Variants in TRPV1 observed in about 807,000 individuals in gnomAD.
TRPV1 encodes the protein transient receptor potential cation channel subfamily V member 1, also known as OTRPC1.
TRPV1 carries 82 observed loss-of-function variants against 82.3 expected under a neutral mutation model. The ratio of observed to expected loss-of-function variants is 1.00; its 90% CI spans 0.83 to 1.20. The LOEUF is 1.20. Ranked by LOEUF, TRPV1 falls within the 50% of genes most tolerant of loss-of-function variation. The pLI is 0.00. For missense variants in TRPV1, 1,067 were observed against 1,096.8 expected (o/e 0.97, Z 0.38); for synonymous variants, 515 against 467.7 (o/e 1.10, Z -1.30).
chr17:3,598,630 A>G (rs1409493424), intron 2 of TRPV1, among the ~76,000 whole-genome samples: 1 of 148,860 alleles, frequency 6.7e-6, no homozygotes, highest in African/African-American at 2.5e-5. Flanking sequence ...CAATGGCGCA[A>G]TCTCGGCTCA....
In TRPV1 at chr17:3,585,919, T is replaced by C; in HGVS notation, c.1232A>G (p.His411Arg). The C allele has an allele frequency of 6.2e-7, 1 of 1,613,356 alleles. No individual in the cohort carries two copies. The highest frequency in any genetic ancestry group is 8.5e-7 in the Non-Finnish European group (1 of 1,179,704). ...AYSSSETPNR[H>R]DMLLVEPLNR... ...CAGCGGCTCCACCAAGAGCATGTCGTGGCGATTCTAGGGGGTGGGGAGAGA... is the reference window on the plus strand; with the variant it reads ...CAGCGGCTCCACCAAGAGCATGTCGCGGCGATTCTAGGGGGTGGGGAGAGA... The change falls in exon 9 of 17, where the codon CAC becomes CGC. Residue 411 changes from histidine (H) to arginine (R), a missense_variant. By Grantham distance (29) the His-to-Arg change is conservative. Transcript: ENST00000572705.
chr17:3,576,668 A>AAAAAAAAAAAAAAAAATATAAAT, intron 13 of TRPV1, among the ~76,000 whole-genome samples: 1 of 38,390 alleles, frequency 2.6e-5, no homozygotes, highest in Non-Finnish European at 5.3e-5. Flanking sequence ...AAAAAAAAAA[A>AAAAAAAAAAAAAAAAATATAAAT]ATATATATAT....
intron 11 of TRPV1, chr17:3,578,611 T>C (rs144100351): frequency 6.6e-6 from 1 of 152,328 alleles, no homozygotes; most frequent in Non-Finnish European, 1.5e-5. Context: ...ATCAGTGTGG[T>C]AAACCTACAG....
intron 10 of TRPV1, among the ~76,000 whole-genome samples, chr17:3,582,197 A>AAAAAAAAAAAAAC: frequency 7.0e-6 from 1 of 142,316 alleles, no homozygotes; most frequent in Non-Finnish European, 1.5e-5. Context: ...CTCAAAAAAA[A>AAAAAAAAAAAAAC]AAAAAAAAAA....
chr17:3,577,495 T>C (rs1474160099), intron 12 of TRPV1, 103 bp downstream of exon 12: 1 of 1,395,392 alleles, frequency 7.2e-7, no homozygotes, highest in Non-Finnish European at 9.8e-7. Context: ...ACCAGCCCCT[T>C]CCCAGGCACG....
chr17:3,572,305 C>A, intron 14 of TRPV1, 56 bp from the exon 15 acceptor site: 1 of 1,546,420 alleles, frequency 6.5e-7, no homozygotes, highest in South Asian at 1.2e-5. Flanking sequence ...CATCCCGGGG[C>A]CACCCTGGCT....
intron 12 of TRPV1, 101 bp from the exon 13 acceptor site, chr17:3,577,293 C>CGG: frequency 7.6e-7 from 1 of 1,310,146 alleles, no homozygotes; most frequent in Non-Finnish European, 1.1e-6. Context: ...TGAGAACGTG[C>CGG]AGGGCGGTTT....
chr17:3,570,001 G>T (rs2074830193), intron 16 of TRPV1, among the ~76,000 whole-genome samples: 1 of 149,412 alleles, frequency 6.7e-6, no homozygotes, highest in South Asian at 2.1e-4. Context: ...GGGAGGAGGG[G>T]CCAAGCGGTC....
intron 16 of TRPV1, among the ~76,000 whole-genome samples, chr17:3,568,129 T>C (rs1306975712): frequency 6.6e-6 from 1 of 152,084 alleles, no homozygotes; most frequent in East Asian, 1.9e-4. Context: ...GAGACCATCC[T>C]GGCTAACATG....
chr17:3,598,388 C>T (rs2075237101), intron 2 of TRPV1, among the ~76,000 whole-genome samples: 1 of 152,152 alleles, frequency 6.6e-6, no homozygotes, highest in Admixed American at 6.5e-5. Context: ...CGTACAGCAA[C>T]CCCGGGCAGT....
intron 16 of TRPV1, among the ~76,000 whole-genome samples, chr17:3,569,630 G>C (rs952366796): frequency 1.3e-5 from 2 of 152,196 alleles, no homozygotes; most frequent in African/African-American, 4.8e-5. Flanking sequence ...GCTAGAATCT[G>C]TGGATCAGAG....
intron 2 of TRPV1, among the ~76,000 whole-genome samples, chr17:3,594,997 G>A (rs191754621): frequency 6.6e-6 from 1 of 152,142 alleles, no homozygotes; most frequent in Non-Finnish European, 1.5e-5. Context: ...CCAAGGAATT[G>A]AAAGCCAACA....
intron 2 of TRPV1, among the ~76,000 whole-genome samples, chr17:3,601,415 CCGAAACCCACCTT>C (rs1024599498): frequency 7.2e-5 from 11 of 151,920 alleles, no homozygotes; most frequent in African/African-American, 2.7e-4. Flanking sequence ...TCCTCTCCCA[CCGAAACCCACCTT>C]CTGTCACCTG....
chr17:3,586,360 C>T (rs2075085159), intron 8 of TRPV1, among the ~76,000 whole-genome samples: 1 of 152,252 alleles, frequency 6.6e-6, no homozygotes. Flanking sequence ...CTGGGTCAGG[C>T]AGGGCGGCAG....
intron 8 of TRPV1, 51 bp downstream of exon 8, chr17:3,588,137 C>T (rs2075106652): frequency 6.5e-7 from 1 of 1,527,372 alleles, no homozygotes; most frequent in African/African-American, 1.4e-5. Flanking sequence ...GGGATTGGGG[C>T]TTGGGTGCAG....
chr17:3,592,018 T>C (rs202169781), intron 3 of TRPV1, 49 bp downstream of exon 3: 19 of 1,583,080 alleles, frequency 1.2e-5, no homozygotes, highest in African/African-American at 5.4e-5. Flanking sequence ...GGCATCTCCA[T>C]GGCCAGCTGG....
chr17:3,607,953 G>A lies in TRPV1; in HGVS notation c.-34+474C>T, dbSNP rs1372299665. Reference sequence around the variant, plus strand: ...CATGAGGCTGGGGTCAGTGGCTCCCGCCTGCAATCCTAGTACTTTGGGAGG... The same window carrying A: ...CATGAGGCTGGGGTCAGTGGCTCCCACCTGCAATCCTAGTACTTTGGGAGG... On this transcript the variant is annotated intron_variant, in intron 2 of 16. Transcript: ENST00000572705. Among the ~76,000 whole-genome samples, 8 of 152,026 alleles carry A rather than the reference G, an allele frequency of 5.3e-5. No individual in the cohort carries two copies. The South Asian group carries it at 8.3e-4, about 16-fold the overall frequency.
At chr17:3,570,556 T>G (rs188015074) in intron 16 of TRPV1, among the ~76,000 whole-genome samples, 1 of 152,112 alleles carries the variant, frequency 6.6e-6, no homozygotes, top group South Asian at 2.1e-4. Context: ...GTGTTCAGGG[T>G]TGTAATTATA....
At chr17:3,602,473 T>C (rs1171571320) in intron 2 of TRPV1, among the ~76,000 whole-genome samples, 2 of 152,334 alleles carry the variant, frequency 1.3e-5, no homozygotes, top group East Asian at 3.9e-4. Flanking sequence ...GTTTTCTGGG[T>C]CATCATTTGA....
Sources: allele counts gnomAD v4.1 joint callset (sites outside exome capture counted in the v4.1 genomes callset), GRCh38; gene constraint gnomAD v4.1.1; transcripts MANE v1.5; gene names NCBI Gene and HGNC (gene_info 2026-07-23, HGNC 2026-07-21).